FBXO6: variants seen among roughly 807,000 people sequenced by gnomAD.
FBXO6 encodes the protein F-box protein 6, also known as F-box only protein 6.
In FBXO6, 13 loss-of-function variants were observed where a neutral mutation model predicts 25.0. The ratio of observed to expected loss-of-function variants is 0.52; its 90% confidence interval spans 0.34 to 0.83. The LOEUF (loss-of-function observed/expected upper bound fraction) is 0.83, where lower values mean the gene tolerates loss of function less well. FBXO6 is among the 40% of genes least tolerant of loss of function. The pLI, the probability that FBXO6 is intolerant of heterozygous loss-of-function variation, is 0.02. For missense variants in FBXO6, 370 were observed against 380.2 expected (o/e 0.97, Z 0.22); for synonymous variants, 138 against 155.3 (o/e 0.89, Z 0.83).
chr1:11,667,365 C>T (rs942072719), intron 1 of FBXO6, among the ~76,000 whole-genome samples: 1 of 152,176 alleles, frequency 6.6e-6, no homozygotes, highest in Non-Finnish European at 1.5e-5. Context: ...CAGGCCAGGG[C>T]TGTGGCACTG....
intron 4 of FBXO6, 87 bp downstream of exon 4, chr1:11,672,110 C>A (rs1002259374): frequency 8.2e-7 from 1 of 1,225,634 alleles, no homozygotes; most frequent in South Asian, 1.3e-5. Context: ...ATAGCAAGTG[C>A]CCACTCTGCA....
At chr1:11,671,068 C>A (rs1640603640) in intron 2 of FBXO6, among the ~76,000 whole-genome samples, 198 bp from the exon 3 acceptor site, 2 of 152,104 alleles carry the variant, frequency 1.3e-5, no homozygotes, top group Admixed American at 1.3e-4. Flanking sequence ...ACCTTGGCCA[C>A]ACAATGCCCT....
intron 4 of FBXO6, 190 bp downstream of exon 4, chr1:11,672,213 C>T (rs999984790): frequency 5.2e-5 from 31 of 597,262 alleles, no homozygotes; most frequent in Middle Eastern, 3.3e-4. Context: ...CACCCTGTGA[C>T]GTAGTCAACA....
chr1:11,667,437 G>A (rs752575110), intron 1 of FBXO6, among the ~76,000 whole-genome samples: 6 of 152,288 alleles, frequency 3.9e-5, no homozygotes, highest in Middle Eastern at 3.4e-3. Flanking sequence ...GTTGAGAGCC[G>A]GTTTGTGCTG....
At chr1:11,669,696 ACATATG>A (rs1172066484) in intron 2 of FBXO6, among the ~76,000 whole-genome samples, 15 of 145,562 alleles carry the variant, frequency 1.0e-4, no homozygotes, top group African/African-American at 3.8e-4. Context: ...ACGTATATAT[ACATATG>A]TATACATATA....
intron 4 of FBXO6, among the ~76,000 whole-genome samples, chr1:11,672,281 T>C (rs2100698286): frequency 6.7e-6 from 1 of 150,124 alleles, no homozygotes; most frequent in Admixed American, 6.6e-5. Flanking sequence ...TGCACTGTCA[T>C]GGACAGGCAC....
In FBXO6 at chr1:11,668,809, A is replaced by G. The variant is rs138203471; in HGVS notation, c.151A>G (p.Met51Val). ...CCTCTGGCGGGACCTCATCGACCTC[A>G]TGACCCTCTGGAAACGCAAGTGCCT... Reference protein sequence around the residue: ...CSLWRDLIDLMTLWKRKCLRE... With the variant: ...CSLWRDLIDLVTLWKRKCLRE... The change falls in exon 2 of 6, where the codon ATG becomes GTG. Residue 51 changes from methionine (M) to valine (V), a missense_variant. By Grantham distance (21) the Met-to-Val change is conservative (BLOSUM62 1). Transcript: ENST00000376753. The G allele has an allele frequency of 1.6e-4, 253 of 1,613,074 alleles. 1 individual carries two copies. The highest frequency in any genetic ancestry group is 1.3e-3 in the Middle Eastern group (8 of 6,062).
chr1:11,671,523 T>G (rs1279920945), intron 3 of FBXO6, 131 bp downstream of exon 3: 1 of 1,308,086 alleles, frequency 7.6e-7, no homozygotes, highest in African/African-American at 1.5e-5. Flanking sequence ...CCCCAAAACT[T>G]GCCCAGAGTC....
intron 1 of FBXO6, among the ~76,000 whole-genome samples, chr1:11,664,954 A>G (rs1224939107): frequency 1.3e-5 from 2 of 152,144 alleles, no homozygotes; most frequent in East Asian, 3.9e-4. Context: ...CCACGGTGGG[A>G]AGCTATTGGT....
chr1:11,672,763 C>A (rs1056070889), intron 4 of FBXO6, among the ~76,000 whole-genome samples: 1 of 152,226 alleles, frequency 6.6e-6, no homozygotes. Context: ...CTGGCTTGGC[C>A]GGTGGCAGAA....
At chr1:11,672,246 A>C (rs1001919310) in intron 4 of FBXO6, among the ~76,000 whole-genome samples, 1 of 151,782 alleles carries the variant, frequency 6.6e-6, no homozygotes, top group Admixed American at 6.6e-5. Flanking sequence ...CCCAGTGTGC[A>C]GGTGAGGAGG....
intron 4 of FBXO6, among the ~76,000 whole-genome samples, chr1:11,672,626 T>G (rs1009291005): frequency 2.0e-5 from 3 of 152,170 alleles, no homozygotes; most frequent in African/African-American, 7.2e-5. Flanking sequence ...ACAGAGGACC[T>G]CAGCCCTCTC....
chr1:11,668,673 C>G lies in FBXO6; in HGVS notation c.15C>G (p.His5Gln), dbSNP rs545601482. 6.2e-7 allele frequency: 1 copy of G among 1,612,390 alleles called. No individual in the cohort carries two copies. The highest frequency in any genetic ancestry group is 1.7e-5 in the Admixed American group (1 of 59,996). Residue 5 changes from histidine to glutamine, a missense_variant, in exon 2 of 6, where the codon CAC becomes CAG. His to Gln is a conservative substitution (Grantham distance 24). Coordinates refer to ENST00000376753, the MANE Select transcript of FBXO6 (RefSeq NM_018438.6). Reference protein sequence around the residue: MDAPHSKAALDSINE... With the variant: MDAPQSKAALDSINE... ...CCCCACAGGCCATGGATGCTCCCCA[C>G]TCCAAAGCAGCCCTGGACAGCATTA...
intron 1 of FBXO6, among the ~76,000 whole-genome samples, chr1:11,667,985 G>A (rs917646723): frequency 1.3e-5 from 2 of 151,844 alleles, no homozygotes; most frequent in African/African-American, 4.8e-5. Context: ...CCAACTACTC[G>A]GGAGGCTGAG....
At position 11,673,020 on chromosome 1, in the gene FBXO6, G is replaced by T. The variant is rs1452585182; in HGVS notation, c.510-257G>T. 1.3e-5 allele frequency among the ~76,000 whole-genome samples: 2 copies of T among 152,200 alleles called. No homozygotes were observed. Among genetic ancestry groups the T allele is most frequent in the Admixed American group, 1.3e-4 (2 of 15,284 alleles). ...TCTCTGGAGGGGTCTTTTGATTTTT[G>T]AGGTCATATCTTTAGTAGGATGCCC... On this transcript the variant is annotated intron_variant, in intron 4 of 5. Coordinates refer to ENST00000376753, the MANE Select transcript of FBXO6 (RefSeq NM_018438.6). This position sits in a 1 kb window ranked among gnomAD's most constrained non-coding sequence, Gnocchi z 4.3.
intron 3 of FBXO6, among the ~76,000 whole-genome samples, chr1:11,671,669 G>C (rs1047753445): frequency 4.6e-5 from 7 of 152,226 alleles, no homozygotes; most frequent in Non-Finnish European, 7.3e-5. Flanking sequence ...CTAGGAACTT[G>C]AGTTTACAAA....
chr1:11,671,372 G>C lies in FBXO6; in HGVS notation c.393G>C (p.Lys131Asn). ...ATTTTCCTGACCCCAAAGTCAAGAA[G>C]TATTTTGTCACATCCTACGAGTAAG... ...GTDFPDPKVK[K>N]YFVTSYEMCL... Residue 131 changes from lysine to asparagine, a missense_variant, in exon 3 of 6, where the codon AAG becomes AAC. By Grantham distance (94) the Lys-to-Asn change is moderately conservative (BLOSUM62 0). Transcript: ENST00000376753. 1.9e-6 allele frequency: 3 copies of C among 1,614,038 alleles called. No individual in the cohort carries two copies. Among genetic ancestry groups the C allele is most frequent in the Non-Finnish European group, 2.5e-6 (3 of 1,179,918 alleles).
Position 11,674,146 on chromosome 1 carries a change from T to C in FBXO6, c.*295T>C, listed in dbSNP as rs1332694783. ...GGTGAAACCCTGTCTCTACTAAAAA[T>C]ACAAAAAATTAGCCGGGCGTGGTGG... On this transcript the variant is annotated 3_prime_UTR_variant, in exon 6 of 6. Coordinates refer to ENST00000376753, the MANE Select transcript of FBXO6 (RefSeq NM_018438.6). The surrounding 1 kb of genome is among the most constrained non-coding windows in gnomAD (Gnocchi z 6.1). 9.6e-6 allele frequency: 3 copies of C among 312,702 alleles called. No homozygotes were observed. Among genetic ancestry groups the C allele is most frequent in the African/African-American group, 6.4e-5 (3 of 46,958 alleles). The allele number at this position is 312,702 out of a possible 1,614,324, so 19.4% of individuals were successfully genotyped here.
chr1:11,669,927 A>G (rs1305847944), intron 2 of FBXO6, among the ~76,000 whole-genome samples: 2 of 135,304 alleles, frequency 1.5e-5, no homozygotes, highest in African/African-American at 2.7e-5. Context: ...GTGAGCCACC[A>G]CACCGCCGGG....
Sources: gnomAD v4.1 joint callset for allele counts (sites outside exome capture counted in the v4.1 genomes callset) on GRCh38, gnomAD v4.1.1 for gene constraint, Gnocchi (gnomAD v3.1) non-coding constraint, MANE v1.5 for transcripts, NCBI Gene and HGNC (gene_info 2026-07-23, HGNC 2026-07-21) for gene names.